The following FAT3 variants were observed in gnomAD, a reference collection of about 807,000 sequenced individuals.
FAT3 encodes the protein protocadherin Fat 3.
Under a neutral mutation model 310.2 loss-of-function variants are expected in FAT3, and 95 were observed. The ratio of observed to expected loss-of-function variants is 0.31; its 90% CI spans 0.26 to 0.36. The LOEUF (loss-of-function observed/expected upper bound fraction) is 0.36, where lower values mean the gene tolerates loss of function less well. Among genes scored for constraint, FAT3 ranks in the 10% least tolerant of loss-of-function variants. The pLI is 1.00. For synonymous variants in FAT3, 2,314 were observed against 2,192.9 expected (o/e 1.06, Z -1.54); for missense variants, 5,408 against 5,715.6 (o/e 0.95, Z 1.74).
intron 3 of FAT3, among the ~76,000 whole-genome samples, chr11:92,565,283 C>A (rs961947430): frequency 1.3e-5 from 2 of 151,492 alleles, no homozygotes; most frequent in South Asian, 4.2e-4. Context: ...ACTAGAAAAT[C>A]TAGAAGAAAC....
intron 2 of FAT3, among the ~76,000 whole-genome samples, chr11:92,461,343 T>C: frequency 6.6e-6 from 1 of 152,126 alleles, no homozygotes; most frequent in East Asian, 1.9e-4. Flanking sequence ...TAGCCTTCAT[T>C]CATGAAGTTA....
chr11:92,757,183 C>T (rs1946022451), intron 4 of FAT3, among the ~76,000 whole-genome samples: 1 of 152,128 alleles, frequency 6.6e-6, no homozygotes, highest in Non-Finnish European at 1.5e-5. Context: ...CTCGGCCTCC[C>T]AAAGTGCCAG....
chr11:92,537,050 G>A (rs999333723), intron 3 of FAT3, among the ~76,000 whole-genome samples: 2 of 152,124 alleles, frequency 1.3e-5, no homozygotes, highest in Non-Finnish European at 2.9e-5. Flanking sequence ...AATACCTGCT[G>A]TGTGTACTGC....
chr11:92,652,960 C>A (rs531879562), intron 3 of FAT3, among the ~76,000 whole-genome samples: 1 of 152,042 alleles, frequency 6.6e-6, no homozygotes, highest in Admixed American at 6.6e-5. Flanking sequence ...GTCAGGAGTT[C>A]GAGACCAGAC....
intron 3 of FAT3, among the ~76,000 whole-genome samples, chr11:92,528,588 G>A (rs879596489): frequency 1.2e-4 from 18 of 152,118 alleles, no homozygotes; most frequent in African/African-American, 2.9e-4. Flanking sequence ...GGGTTTCATC[G>A]TGTTAGCCAG....
intron 1 of FAT3, among the ~76,000 whole-genome samples, chr11:92,275,406 AT>A (rs1377957615): frequency 1.3e-5 from 2 of 150,456 alleles, no homozygotes; most frequent in Non-Finnish European, 3.0e-5. Context: ...ATTCAACCTT[AT>A]TTTTTTTTCT....
intron 1 of FAT3, among the ~76,000 whole-genome samples, chr11:92,293,521 T>TATATAC (rs1946760080): frequency 2.0e-5 from 1 of 51,016 alleles, no homozygotes; most frequent in South Asian, 5.9e-4. Flanking sequence ...ATTATATATA[T>TATATAC]ATATATATAT....
intron 3 of FAT3, among the ~76,000 whole-genome samples, chr11:92,684,138 G>A (rs1018434418): frequency 4.6e-5 from 7 of 152,270 alleles, no homozygotes; most frequent in Non-Finnish European, 8.8e-5. Flanking sequence ...TTCAGAGTGC[G>A]AACAAAGAAG....
At chr11:92,786,481 C>A (rs1946896849) in intron 7 of FAT3, among the ~76,000 whole-genome samples, 1 of 151,994 alleles carries the variant, frequency 6.6e-6, no homozygotes, top group African/African-American at 2.4e-5. Context: ...GCAAATGGAT[C>A]TTAAATATAT....
intron 2 of FAT3, among the ~76,000 whole-genome samples, chr11:92,493,800 G>T (rs956404197): frequency 1.3e-5 from 2 of 152,028 alleles, no homozygotes; most frequent in African/African-American, 4.8e-5. Context: ...TAACAATGCA[G>T]CATGAGTTGA....
chr11:92,702,106 A>G (rs1348272434), intron 4 of FAT3, among the ~76,000 whole-genome samples: 1 of 152,210 alleles, frequency 6.6e-6, no homozygotes, highest in African/African-American at 2.4e-5. Flanking sequence ...AAGTGGGGAT[A>G]ACAATTCCTA....
Position 92,382,166 on chromosome 11 carries a change from C to T in FAT3, c.3292+26762C>T, listed in dbSNP as rs139731349. On this transcript the variant is annotated intron_variant, in intron 2 of 27. Coordinates refer to ENST00000525166, the MANE Select transcript of FAT3 (RefSeq NM_001367949.2). Reference sequence around the variant, plus strand: ...GATTCCGGATTTTAATATCAACTGTCAGTATTTAATAGTAAAAAGACATGG... The same window carrying T: ...GATTCCGGATTTTAATATCAACTGTTAGTATTTAATAGTAAAAAGACATGG... Among the ~76,000 whole-genome samples the T allele has an allele frequency of 6.5e-3, 986 of 152,204 alleles. 16 individuals are homozygous for T. The highest frequency in any genetic ancestry group is 0.022 in the African/African-American group (911 of 41,530).
intron 4 of FAT3, among the ~76,000 whole-genome samples, chr11:92,710,591 G>C (rs1944490756): frequency 3.9e-5 from 6 of 152,066 alleles, no homozygotes; most frequent in Admixed American, 3.3e-4. Context: ...AGAACAGAAT[G>C]GGATTTTTTA....
At chr11:92,696,978 T>C (rs1411407398) in intron 3 of FAT3, among the ~76,000 whole-genome samples, 1 of 152,228 alleles carries the variant, frequency 6.6e-6, no homozygotes. Flanking sequence ...AGTAAGAAAG[T>C]ACTGTTTCAT....
intron 3 of FAT3, among the ~76,000 whole-genome samples, chr11:92,533,124 C>T (rs963054976): frequency 2.0e-5 from 3 of 152,006 alleles, no homozygotes; most frequent in Non-Finnish European, 4.4e-5. Flanking sequence ...GCTTCAAACT[C>T]CTGGACTCAA....
intron 3 of FAT3, among the ~76,000 whole-genome samples, chr11:92,537,225 A>T (rs572243136): frequency 6.6e-6 from 1 of 152,268 alleles, no homozygotes; most frequent in East Asian, 1.9e-4. Flanking sequence ...TATCTCTGAC[A>T]GTCTTTGAGT....
At chr11:92,406,564 C>T (rs1450958886) in intron 2 of FAT3, 1 of 152,164 alleles carries the variant, frequency 6.6e-6, no homozygotes, top group African/African-American at 2.4e-5. Context: ...GTTCTCCTCT[C>T]CCTGAACTAA....
chr11:92,465,681 G>A lies in FAT3; in HGVS notation c.3293-58953G>A, dbSNP rs549760919. ...TGAACAATGAGAACACTTGGACACA[G>A]GGTGGGGAACATCACACATCAGGGC... is the stretch of plus-strand genomic sequence containing the variant. On this transcript the variant is annotated intron_variant, in intron 2 of 27. Coordinates refer to ENST00000525166, the MANE Select transcript of FAT3 (RefSeq NM_001367949.2). 1.4e-3 allele frequency among the ~76,000 whole-genome samples: 218 copies of A among 152,284 alleles called. 2 individuals are homozygous for A. The highest frequency in any genetic ancestry group is 5.1e-3 in the African/African-American group (213 of 41,560).
At chr11:92,586,456 C>G (rs9667036) in intron 3 of FAT3, among the ~76,000 whole-genome samples, 1,990 of 152,054 alleles carry the variant, frequency 0.013, 46 homozygotes, top group African/African-American at 0.045. Flanking sequence ...GGTTCTTTTA[C>G]TATAAAGGAC....
Sources: gnomAD v4.1 joint callset for allele counts (sites outside exome capture counted in the v4.1 genomes callset) on GRCh38, gnomAD v4.1.1 for gene constraint, MANE v1.5 for transcripts, NCBI Gene and HGNC (gene_info 2026-07-23, HGNC 2026-07-21) for gene names.